Variants in NEBL observed in about 807,000 individuals in gnomAD.
NEBL encodes the protein LIM and SH3 protein 2.
NEBL carries 122 observed loss-of-function variants against 140.2 expected under a neutral mutation model. That is an observed-to-expected ratio of 0.87 (90% CI 0.75 to 1.01). The LOEUF is 1.01. Ranked by LOEUF, NEBL falls within the 50% of genes least tolerant of loss-of-function variation. The pLI is 0.00. For synonymous variants in NEBL, 436 were observed against 398.9 expected (o/e 1.09, Z -1.11); for missense variants, 1,365 against 1,231.3 (o/e 1.11, Z -1.62).
intron 4 of NEBL, among the ~76,000 whole-genome samples, chr10:20,930,437 T>G (rs1331908817): frequency 6.6e-6 from 1 of 152,236 alleles, no homozygotes; most frequent in Non-Finnish European, 1.5e-5. Flanking sequence ...TCTTGCACCA[T>G]AAAACCCATT....
intron 4 of NEBL, among the ~76,000 whole-genome samples, chr10:20,885,617 A>G (rs530658050): frequency 5.3e-5 from 8 of 152,344 alleles, no homozygotes; most frequent in Middle Eastern, 3.4e-3. Context: ...TATTTATGCT[A>G]TAAGAAGTTG....
chr10:21,171,338 AAAAAAAAAAAAG>A lies in NEBL; in HGVS notation c.164+1033_164+1044del, dbSNP rs1410978972. Among the ~76,000 whole-genome samples, 429 of 89,758 alleles carry A rather than the reference AAAAAAAAAAAAG, an allele frequency of 4.8e-3. 2 individuals are homozygous for A. The highest frequency in any genetic ancestry group is 0.019 in the African/African-American group (309 of 16,388). 58.9% of individuals were successfully genotyped at this position (89,758 alleles called of 152,430 possible). A position where few individuals can be genotyped will look rare whatever the true frequency, so the allele number is the denominator to read the frequency against. ...CAACAGGAGCAAACTTCTGTCTCAAAAAAAAAAAAAAGAAAAAAAAAAAAGAAAGAAAGGAAA... is the reference window on the plus strand; with the variant it reads ...CAACAGGAGCAAACTTCTGTCTCAAAAAAAAAAAAAAAGAAAGAAAGGAAA... On this transcript the variant is annotated intron_variant, in intron 2 of 6. Coordinates refer to the NEBL transcript ENST00000417816.
intron 2 of NEBL, among the ~76,000 whole-genome samples, chr10:21,059,987 G>A (rs1377587151): frequency 2.0e-5 from 3 of 152,204 alleles, no homozygotes; most frequent in African/African-American, 7.2e-5. Context: ...TTGGGGTACT[G>A]AGACATTAAT....
chr10:20,803,865 TTAGAG>T (rs1412865216), intron 26 of NEBL, among the ~76,000 whole-genome samples: 1 of 149,660 alleles, frequency 6.7e-6, no homozygotes, highest in Non-Finnish European at 1.5e-5. Context: ...TGTTTTCACT[TTAGAG>T]TATTTTTTCA....
chr10:21,229,726 T>C (rs751711682), intron 3 of NEBL, among the ~76,000 whole-genome samples: 16 of 152,206 alleles, frequency 1.1e-4, no homozygotes, highest in Non-Finnish European at 2.1e-4. Flanking sequence ...CAGGAGCAGA[T>C]GGGCCTAGCT....
chr10:20,892,295 G>C (rs1168977067), intron 2 of NEBL, among the ~76,000 whole-genome samples: 1 of 152,232 alleles, frequency 6.6e-6, no homozygotes, highest in Non-Finnish European at 1.5e-5. Context: ...AGGGAGAGAT[G>C]CTGCACAACC....
At chr10:21,111,762 T>C (rs1304606100) in intron 2 of NEBL, among the ~76,000 whole-genome samples, 2 of 151,208 alleles carry the variant, frequency 1.3e-5, no homozygotes, top group Admixed American at 1.3e-4. Flanking sequence ...ACTAAAGATC[T>C]TCTGCACAGC....
intron 3 of NEBL, among the ~76,000 whole-genome samples, chr10:20,997,988 A>C (rs562616611): frequency 6.6e-6 from 1 of 152,226 alleles, no homozygotes; most frequent in Non-Finnish European, 1.5e-5. Flanking sequence ...ATGAAAATCA[A>C]ATGGAGCCAA....
intron 3 of NEBL, among the ~76,000 whole-genome samples, chr10:21,244,583 T>G (rs1424864690): frequency 6.6e-6 from 1 of 151,546 alleles, no homozygotes; most frequent in African/African-American, 2.4e-5. Context: ...ACCTGGGAGA[T>G]AGAGGTTGCA....
At chr10:21,159,502 A>G (rs952301464) in intron 2 of NEBL, among the ~76,000 whole-genome samples, 7 of 152,196 alleles carry the variant, frequency 4.6e-5, no homozygotes, top group African/African-American at 1.7e-4. Flanking sequence ...CCATCGACCA[A>G]TTCTTTTCCA....
At chr10:21,274,518 C>A (rs201489949) in intron 1 of NEBL, among the ~76,000 whole-genome samples, 3 of 152,174 alleles carry the variant, frequency 2.0e-5, no homozygotes, top group African/African-American at 7.2e-5. Flanking sequence ...CTCCACTTCC[C>A]AGGCTCAAAC....
At chr10:21,022,089 G>A (rs1478512471) in intron 2 of NEBL, among the ~76,000 whole-genome samples, 2 of 152,152 alleles carry the variant, frequency 1.3e-5, no homozygotes, top group African/African-American at 4.8e-5. Context: ...CTGATTCAGA[G>A]CTGCTGTCCC....
intron 2 of NEBL, among the ~76,000 whole-genome samples, chr10:21,087,588 A>G (rs1360991872): frequency 6.6e-6 from 1 of 152,224 alleles, no homozygotes; most frequent in Non-Finnish European, 1.5e-5. Flanking sequence ...GAGGAATTTG[A>G]TAACTAAGCT....
chr10:21,091,801 T>C (rs905883953), intron 2 of NEBL, among the ~76,000 whole-genome samples: 5 of 152,136 alleles, frequency 3.3e-5, no homozygotes, highest in African/African-American at 1.2e-4. Context: ...AATTTTTTTA[T>C]TTTTATTTTT....
chr10:21,246,976 C>G (rs2132269323), intron 3 of NEBL, among the ~76,000 whole-genome samples: 1 of 152,164 alleles, frequency 6.6e-6, no homozygotes, highest in Non-Finnish European at 1.5e-5. Flanking sequence ...TGTGAATTTC[C>G]CCCTTGCTGT....
rs138932199 is a variant in NEBL, at chr10:20,840,808, T to A, written c.1269A>T (p.Lys423Asn). 3.1e-6 allele frequency: 5 copies of A among 1,610,364 alleles called. No homozygotes were observed. In the East Asian group the frequency reaches 1.1e-4, roughly 36 times the overall value. Residue 423 changes from lysine to asparagine, a missense_variant, in exon 13 of 28, where the codon AAA becomes AAT. Lys to Asn is a moderately conservative substitution (Grantham distance 94). Transcript: ENST00000377122. ...GAACTTCTGAATTAAGTTCCATTCC[T>A]TTCCCTTTTATCTCATTTTCCAAAT... ...KKDLENEIKG[K>N]GMELNSEVLD...
chr10:21,226,458 T>G lies in NEBL; in HGVS notation n.348+21463A>C, dbSNP rs1046339758. 3.3e-5 allele frequency among the ~76,000 whole-genome samples: 5 copies of G among 152,280 alleles called. 1 individual carries two copies. The South Asian group carries it at 1.0e-3, about 32-fold the overall frequency. ...CACAGCATCAGGAATTGCCCAAAAA[T>G]TGCAGTCCTGGTGGCCTAGACTGCC... On this transcript the variant is annotated intron_variant and non_coding_transcript_variant, in intron 3 of 8. Coordinates refer to the NEBL transcript ENST00000675702.
chr10:20,867,804 C>A (rs1028732790), intron 7 of NEBL: 3 of 152,004 alleles, frequency 2.0e-5, no homozygotes, highest in Admixed American at 6.6e-5. Flanking sequence ...TGACTTGAAT[C>A]GACACTTTTA....
intron 2 of NEBL, among the ~76,000 whole-genome samples, chr10:21,151,544 G>C (rs569420367): frequency 6.6e-6 from 1 of 152,058 alleles, no homozygotes; most frequent in Non-Finnish European, 1.5e-5. Flanking sequence ...CACACATCAC[G>C]TCACTCCTCT....
Sources: gnomAD v4.1 joint callset for allele counts (sites outside exome capture counted in the v4.1 genomes callset) on GRCh38, gnomAD v4.1.1 for gene constraint, MANE v1.5 for transcripts, NCBI Gene and HGNC (gene_info 2026-07-23, HGNC 2026-07-21) for gene names.